ZNF385D: variants seen among roughly 807,000 people sequenced by gnomAD.
ZNF385D encodes zinc finger protein 385D, also known as zinc finger protein 659.
A neutral mutation model predicts 35.8 loss-of-function variants in ZNF385D; 15 were observed. The ratio of observed to expected loss-of-function variants is 0.42; its 90% confidence interval spans 0.28 to 0.64. The LOEUF (loss-of-function observed/expected upper bound fraction) is 0.64, where lower values mean the gene tolerates loss of function less well. Among genes scored for constraint, ZNF385D ranks in the 30% least tolerant of loss-of-function variants. The probability of loss-of-function intolerance (pLI) is 0.23; values close to 1 mark genes in which losing one functional copy is unlikely to be tolerated. For synonymous variants in ZNF385D, 212 were observed against 186.8 expected (o/e 1.13, Z -1.10); for missense variants, 474 against 494.6 (o/e 0.96, Z 0.39).
chr3:22,150,221 T>C (rs1282190510), intron 3 of ZNF385D, among the ~76,000 whole-genome samples: 1 of 152,140 alleles, frequency 6.6e-6, no homozygotes, highest in Non-Finnish European at 1.5e-5. Context: ...TTTCTTAATG[T>C]CCATATTTCC....
chr3:22,341,299 G>A (rs950563423), intron 2 of ZNF385D, among the ~76,000 whole-genome samples: 1 of 152,140 alleles, frequency 6.6e-6, no homozygotes, highest in African/African-American at 2.4e-5. Flanking sequence ...ACCTGCTTTT[G>A]TAAATAAACT....
chr3:22,282,157 C>G (rs940074536), intron 2 of ZNF385D, among the ~76,000 whole-genome samples: 2 of 151,996 alleles, frequency 1.3e-5, no homozygotes, highest in Non-Finnish European at 1.5e-5. Flanking sequence ...GTTATTCTCA[C>G]TAATGGTCTA....
In ZNF385D at chr3:21,751,034, G is replaced by C; in HGVS notation, c.-118C>G. ...GGTGGAAATGTCCCCGGCGTGGAGAGCAGTGAGCGCCGAGAGCGTGCCTCC... is the reference window on the plus strand; with the variant it reads ...GGTGGAAATGTCCCCGGCGTGGAGACCAGTGAGCGCCGAGAGCGTGCCTCC... On this transcript the variant is annotated 5_prime_UTR_variant, in exon 1 of 8. Transcript: ENST00000281523. 6.3e-7 allele frequency: 1 copy of C among 1,579,318 alleles called. No homozygotes were observed. The highest frequency in any genetic ancestry group is 1.2e-5 in the South Asian group (1 of 86,132).
intron 3 of ZNF385D, among the ~76,000 whole-genome samples, chr3:21,949,546 CTTTCTTTCTTT>C (rs1207456278): frequency 6.4e-5 from 2 of 31,166 alleles, no homozygotes; most frequent in Admixed American, 6.8e-4. Context: ...TCCTTCTTTT[CTTTCTTTCTTT>C]TTTTTTTTTT....
intron 3 of ZNF385D, among the ~76,000 whole-genome samples, chr3:21,982,085 T>G (rs946141165): frequency 2.0e-5 from 3 of 151,384 alleles, no homozygotes; most frequent in South Asian, 2.1e-4. Context: ...AATAGTTTTT[T>G]TTTTTTTTTT....
At chr3:22,321,568 T>C (rs1483565534) in intron 2 of ZNF385D, among the ~76,000 whole-genome samples, 3 of 151,978 alleles carry the variant, frequency 2.0e-5, no homozygotes, top group African/African-American at 7.2e-5. Flanking sequence ...GGTTTCACTG[T>C]GTTAGCCAGG....
intron 3 of ZNF385D, among the ~76,000 whole-genome samples, chr3:22,081,685 A>T (rs1302928938): frequency 1.3e-5 from 2 of 152,200 alleles, no homozygotes; most frequent in Non-Finnish European, 2.9e-5. Flanking sequence ...ATTTGATGGA[A>T]CATACAAACC....
At chr3:21,971,512 T>C (rs1385427572) in intron 3 of ZNF385D, among the ~76,000 whole-genome samples, 1 of 151,468 alleles carries the variant, frequency 6.6e-6, no homozygotes, top group Non-Finnish European at 1.5e-5. Flanking sequence ...GATGAAAATA[T>C]ACCACTAGTG....
intron 2 of ZNF385D, among the ~76,000 whole-genome samples, chr3:22,307,245 A>T (rs1703278324): frequency 6.6e-6 from 1 of 152,118 alleles, no homozygotes; most frequent in Admixed American, 6.6e-5. Flanking sequence ...TAATTGGAAC[A>T]GGCAGAACAA....
intron 2 of ZNF385D, among the ~76,000 whole-genome samples, chr3:21,597,517 T>G (rs571163553): frequency 6.6e-6 from 1 of 152,148 alleles, no homozygotes; most frequent in Admixed American, 6.6e-5. Context: ...TGAGAGTGAT[T>G]TTTGACTGGT....
At chr3:21,969,777 G>A (rs1281253312) in intron 3 of ZNF385D, among the ~76,000 whole-genome samples, 2 of 139,422 alleles carry the variant, frequency 1.4e-5, no homozygotes, top group East Asian at 4.1e-4. Flanking sequence ...CTTTGGGTCT[G>A]ACTCAGCATA....
chr3:22,248,939 T>C (rs1171773108), intron 2 of ZNF385D, among the ~76,000 whole-genome samples: 1 of 152,198 alleles, frequency 6.6e-6, no homozygotes, highest in Non-Finnish European at 1.5e-5. Flanking sequence ...GAAGGCATCA[T>C]CATGCTGAGA....
chr3:22,138,729 G>A (rs1559399799), intron 3 of ZNF385D, among the ~76,000 whole-genome samples: 1 of 152,072 alleles, frequency 6.6e-6, no homozygotes. Context: ...AGAAAACCTA[G>A]GCAATACCAT....
intron 3 of ZNF385D, among the ~76,000 whole-genome samples, chr3:21,554,810 T>C (rs532529459): frequency 4.5e-4 from 68 of 152,294 alleles, no homozygotes; most frequent in Non-Finnish European, 1.6e-4. Flanking sequence ...TTAAACCTCA[T>C]GAACCAACCA....
At chr3:21,698,647 A>C (rs75979213) in intron 1 of ZNF385D, among the ~76,000 whole-genome samples, 60,307 of 151,976 alleles carry the variant, frequency 0.4, 13,448 homozygotes, top group Middle Eastern at 0.53. Flanking sequence ...TCCAAGAAAA[A>C]AAACAAACAA....
chr3:21,669,561 A>G (rs1280826395), intron 1 of ZNF385D, among the ~76,000 whole-genome samples: 1 of 152,178 alleles, frequency 6.6e-6, no homozygotes, highest in African/African-American at 2.4e-5. Context: ...ATTTTTGAAA[A>G]GCAAATTAAT....
chr3:21,805,224 T>C (rs924600250), intron 3 of ZNF385D, among the ~76,000 whole-genome samples: 3 of 152,338 alleles, frequency 2.0e-5, no homozygotes, highest in East Asian at 1.9e-4. Context: ...AACTGGGTGA[T>C]CTATTTAAAT....
chr3:21,712,690 G>A (rs2068160013), intron 1 of ZNF385D, among the ~76,000 whole-genome samples: 1 of 152,122 alleles, frequency 6.6e-6, no homozygotes, highest in South Asian at 2.1e-4. Flanking sequence ...ATCCCAGTTT[G>A]CAAATATATA....
intron 1 of ZNF385D, among the ~76,000 whole-genome samples, chr3:21,702,413 C>G (rs116631839): frequency 6.6e-6 from 1 of 152,160 alleles, no homozygotes; most frequent in African/African-American, 2.4e-5. Context: ...ACCCTGGGCC[C>G]GGCCCATGAA....
Sources: gnomAD v4.1 joint callset for allele counts (sites outside exome capture counted in the v4.1 genomes callset) on GRCh38, gnomAD v4.1.1 for gene constraint, MANE v1.5 for transcripts, NCBI Gene and HGNC (gene_info 2026-07-23, HGNC 2026-07-21) for gene names.